The following ZMYM2 variants were observed in gnomAD, a reference collection of about 807,000 sequenced individuals.
The protein encoded by ZMYM2 is zinc finger MYM-type containing 2, also known as zinc finger MYM-type protein 2.
ZMYM2 carries 56 observed loss-of-function variants against 162.8 expected under a neutral mutation model. That is an observed-to-expected ratio of 0.34 (90% confidence interval 0.28 to 0.43). The LOEUF (loss-of-function observed/expected upper bound fraction) is 0.43. ZMYM2 is among the 20% of genes least tolerant of loss of function. ZMYM2 has a pLI of 1.00. For missense variants in ZMYM2, 1,275 were observed against 1,621.8 expected (o/e 0.79, Z 3.67); for synonymous variants, 510 against 541.6 (o/e 0.94, Z 0.81).
Position 20,087,189 on chromosome 13 carries a change from TAGAG to T in ZMYM2, c.*1177_*1180del, listed in dbSNP as rs1958323937. The T allele has an allele frequency of 5.3e-6, 1 of 188,532 alleles. No individual in the cohort carries two copies. Among genetic ancestry groups the T allele is most frequent in the African/African-American group, 2.3e-5 (1 of 42,872 alleles). The allele number at this position is 188,532 out of a possible 1,614,324, so 11.7% of individuals were successfully genotyped here. The stretch of plus-strand genomic sequence containing the variant: ...ATTGAGGAACAAACAAAGAAACTAA[TAGAG>T]AAAGTCAGTCTCAGAGGAAATCCCA... On this transcript the variant is annotated 3_prime_UTR_variant, in exon 25 of 25. Transcript: ENST00000610343.
At chr13:19,917,427 A>C in the ZMYM2 span, among the ~76,000 whole-genome samples, 1 of 151,790 alleles carries the variant, frequency 6.6e-6, no homozygotes, top group East Asian at 2.0e-4. Context: ...CATCTCTACC[A>C]AAAATACAAA....
chr13:19,919,970 G>A, the ZMYM2 span, among the ~76,000 whole-genome samples: 1 of 152,162 alleles, frequency 6.6e-6, no homozygotes, highest in East Asian at 1.9e-4. Context: ...ACTGCACCTG[G>A]CCAAATTATT....
At chr13:20,074,817 T>C (rs192899618) in intron 21 of ZMYM2, among the ~76,000 whole-genome samples, 91 of 151,220 alleles carry the variant, frequency 6.0e-4, no homozygotes, top group African/African-American at 2.1e-3. Context: ...GGATTACAGG[T>C]GTGAGCCACT....
At chr13:20,008,444 C>T (rs1374636738) in intron 6 of ZMYM2, among the ~76,000 whole-genome samples, 1 of 152,196 alleles carries the variant, frequency 6.6e-6, no homozygotes, top group Non-Finnish European at 1.5e-5. Flanking sequence ...TGTTGTTAAT[C>T]TCTTGCTGTG....
chr13:19,866,273 A>G, the ZMYM2 span, among the ~76,000 whole-genome samples: 4 of 152,262 alleles, frequency 2.6e-5, no homozygotes, highest in South Asian at 2.1e-4. Flanking sequence ...AAATTATCAC[A>G]CATATGACAC....
At chr13:19,955,764 G>GGCGGGT (rs1439531949), upstream of ZMYM2, among the ~76,000 whole-genome samples, 1 of 152,172 alleles carries the variant, frequency 6.6e-6, no homozygotes, top group African/African-American at 2.4e-5. Context: ...TGGTACTACA[G>GGCGGGT]GCGGGTGCCA....
chr13:19,981,553 G>A (rs948929988), intron 2 of ZMYM2, among the ~76,000 whole-genome samples: 4 of 152,038 alleles, frequency 2.6e-5, no homozygotes, highest in Non-Finnish European at 4.4e-5. Context: ...AAGGAGCCCT[G>A]GTTTCAGTAG....
chr13:19,964,895 C>T (rs1793536096), intron 2 of ZMYM2, among the ~76,000 whole-genome samples: 1 of 152,024 alleles, frequency 6.6e-6, no homozygotes. Flanking sequence ...CTAATTGTTG[C>T]AACTTCATAT....
intron 2 of ZMYM2, among the ~76,000 whole-genome samples, chr13:19,972,314 T>C (rs1269608558): frequency 6.6e-6 from 1 of 152,212 alleles, no homozygotes; most frequent in African/African-American, 2.4e-5. Flanking sequence ...ATACATAATT[T>C]ATGTTATCTG....
chr13:19,877,048 T>A, the ZMYM2 span, among the ~76,000 whole-genome samples: 2 of 151,946 alleles, frequency 1.3e-5, no homozygotes, highest in Admixed American at 1.3e-4. Context: ...CCGTCTCTAC[T>A]AAAAATACAA....
Position 20,080,057 on chromosome 13 carries a change from T to C in ZMYM2, c.3454-1959T>C, listed in dbSNP as rs573997822. The stretch of plus-strand genomic sequence containing the variant: ...TTATAGTCCCGTTAAATAGCTGGAA[T>C]CATGATGTTATATTTTAAGCAATCA... On this transcript the variant is annotated intron_variant, in intron 21 of 24. Transcript: ENST00000610343. 2.0e-5 allele frequency among the ~76,000 whole-genome samples: 3 copies of C among 152,322 alleles called. No individual in the cohort carries two copies. In the South Asian group the frequency reaches 6.2e-4, roughly 32 times the overall value.
chr13:20,011,119 T>A (rs1204230607), intron 6 of ZMYM2, among the ~76,000 whole-genome samples: 1 of 152,234 alleles, frequency 6.6e-6, no homozygotes, highest in Non-Finnish European at 1.5e-5. Context: ...TTTGAATCTA[T>A]CCAATAATAA....
At chr13:20,051,941 C>CT (rs1955392353) in intron 13 of ZMYM2, among the ~76,000 whole-genome samples, 1 of 151,904 alleles carries the variant, frequency 6.6e-6, no homozygotes, top group South Asian at 2.1e-4. Flanking sequence ...AATCGTATTG[C>CT]TAGGGAGTAG....
At chr13:20,061,826 T>C (rs1301658386) in intron 17 of ZMYM2, among the ~76,000 whole-genome samples, 1 of 151,792 alleles carries the variant, frequency 6.6e-6, no homozygotes, top group Non-Finnish European at 1.5e-5. Flanking sequence ...TGACCTCAGG[T>C]GATCCACCTG....
At chr13:20,029,326 T>C (rs1952864893) in intron 9 of ZMYM2, among the ~76,000 whole-genome samples, 1 of 152,248 alleles carries the variant, frequency 6.6e-6, no homozygotes, top group Admixed American at 6.5e-5. Flanking sequence ...TCTAATGGTC[T>C]GATCACCTTT....
At chr13:20,006,688 A>G in intron 6 of ZMYM2, 102 bp downstream of exon 6, 1 of 1,130,340 alleles carries the variant, frequency 8.8e-7, no homozygotes. Flanking sequence ...TTTATCTTAG[A>G]ATTTCATTTA....
intron 21 of ZMYM2, among the ~76,000 whole-genome samples, chr13:20,074,779 C>G (rs1432560591): frequency 6.6e-6 from 1 of 152,138 alleles, no homozygotes; most frequent in African/African-American, 2.4e-5. Flanking sequence ...ACCTCGTGAT[C>G]CGCCTGCCTT....
intron 16 of ZMYM2, among the ~76,000 whole-genome samples, chr13:20,060,270 C>A (rs1009331345): frequency 6.6e-6 from 1 of 152,184 alleles, no homozygotes; most frequent in Non-Finnish European, 1.5e-5. Flanking sequence ...TCTCTGTTGT[C>A]ATGATTGATT....
intron 7 of ZMYM2, chr13:20,019,953 T>TAAA (rs10677226): frequency 0.011 from 1,786 of 158,794 alleles, 4 homozygotes; most frequent in South Asian, 0.017. Context: ...CCTGAAAAGT[T>TAAA]AAAAAAAAAA....
Sources: gnomAD v4.1 joint callset for allele counts (sites outside exome capture counted in the v4.1 genomes callset) on GRCh38, gnomAD v4.1.1 for gene constraint, MANE v1.5 for transcripts, NCBI Gene and HGNC (gene_info 2026-07-23, HGNC 2026-07-21) for gene names.